F3: variants seen among roughly 807,000 people sequenced by gnomAD.
The protein encoded by F3 is coagulation factor III, tissue factor, also known as tissue factor.
In F3, 18 loss-of-function variants were observed where a neutral mutation model predicts 33.5. That is an observed-to-expected ratio of 0.54 (90% CI 0.37 to 0.80). The LOEUF (loss-of-function observed/expected upper bound fraction) is 0.80, where lower values mean the gene tolerates loss of function less well. Among genes scored for constraint, F3 ranks in the 30% least tolerant of loss-of-function variants. F3 has a pLI of 0.00. For missense variants in F3, 353 were observed against 362.1 expected (o/e 0.97, Z 0.20); for synonymous variants, 147 against 140.7 (o/e 1.05, Z -0.32).
In F3 at chr1:94,533,241, C is replaced by T. The variant is rs776222303; in HGVS notation, c.440G>A (p.Ser147Asn). 1 of 1,612,984 alleles carries T rather than the reference C, an allele frequency of 6.2e-7. No individual in the cohort carries two copies. Among genetic ancestry groups the T allele is most frequent in the Non-Finnish European group, 8.5e-7 (1 of 1,179,798 alleles). Reference sequence around the variant, plus strand: ...CACTTTTGTTCCCACCTGTTCAAAACTCTGAATTGTTGGCTGTCCGAGGTT... The same window carrying T: ...CACTTTTGTTCCCACCTGTTCAAAATTCTGAATTGTTGGCTGTCCGAGGTT... ...ETNLGQPTIQ[S>N]FEQVGTKVNV... The change falls in exon 4 of 6, where the codon AGT becomes AAT. Residue 147 changes from serine to asparagine, a missense_variant. Transcript: ENST00000334047.
In F3 at chr1:94,530,428, T is replaced by C. The variant is rs781712216; in HGVS notation, c.*32A>G. 5 of 1,613,292 alleles carry C rather than the reference T, an allele frequency of 3.1e-6. No homozygotes were observed. Among genetic ancestry groups the C allele is most frequent in the African/African-American group, 1.3e-5 (1 of 74,914 alleles). ...AAAAGTTCTCGGTCACAGTGCAATA[T>C]AGCATTTGCAGTAGCTCCAACAGTG... is the stretch of plus-strand genomic sequence containing the variant. On this transcript the variant is annotated 3_prime_UTR_variant, in exon 6 of 6. Coordinates refer to ENST00000334047, the MANE Select transcript of F3 (RefSeq NM_001993.5).
Position 94,535,985 on chromosome 1 carries a change from T to C in F3, c.392A>G (p.Glu131Gly), listed in dbSNP as rs1340379553. Reference protein sequence around the residue: ...AGEPLYENSPEFTPYLETNLG... With the variant: ...AGEPLYENSPGFTPYLETNLG... ...CTTACTCTCCAGGTAAGGTGTGAAC[T>C]CTGGGGAGTTCTCATACAGAGGCTC... is the stretch of plus-strand genomic sequence containing the variant. The change falls in exon 3 of 6, where the codon GAG becomes GGG. Residue 131 changes from glutamate (E) to glycine (G), a missense_variant. Physicochemically the swap from Glu to Gly is moderately conservative, Grantham distance 98 (BLOSUM62 -2). Coordinates refer to ENST00000334047, the MANE Select transcript of F3 (RefSeq NM_001993.5). The C allele has an allele frequency of 6.2e-7, 1 of 1,614,188 alleles. No homozygotes were observed.
intron 3 of F3, among the ~76,000 whole-genome samples, chr1:94,533,486 AT>A (rs1651497114): frequency 6.6e-6 from 1 of 152,224 alleles, no homozygotes; most frequent in African/African-American, 2.4e-5. Context: ...CTCAGATGTC[AT>A]TTTAAGTTTT....
chr1:94,533,750 G>T (rs1366722316), intron 3 of F3, among the ~76,000 whole-genome samples: 1 of 151,984 alleles, frequency 6.6e-6, no homozygotes, highest in African/African-American at 2.4e-5. Flanking sequence ...AAGATGACGA[G>T]GATGAACACC....
In F3 at chr1:94,540,280, A is replaced by T; in HGVS notation, c.189T>A (p.Asn63Lys). ...TILEWEPKPVNQVYTVQISTK... is the reference protein window; with the variant it reads ...TILEWEPKPVKQVYTVQISTK... ...ACCTTATTTGAACAGTGTAGACTTG[A>T]TTGACGGGTTTGGGTTCCCACTCCA... Residue 63 changes from asparagine (N) to lysine (K), a missense_variant, in exon 2 of 6, where the codon AAT (asparagine) becomes AAA (lysine). Transcript: ENST00000334047. 1 of 1,613,192 alleles carries T rather than the reference A, an allele frequency of 6.2e-7. No individual in the cohort carries two copies. The highest frequency in any genetic ancestry group is 1.3e-5 in the African/African-American group (1 of 75,014).
Position 94,541,734 on chromosome 1 carries a change from AG to A in F3, c.-99del. ...CCCTGGGCCGGCCAGAGGGAGTGCG[AG>A]GGGGTGCGGGGAGCTCGCAGTCTTG... is the stretch of plus-strand genomic sequence containing the variant. On this transcript the variant is annotated 5_prime_UTR_variant, in exon 1 of 6. Transcript: ENST00000334047. 1.5e-6 allele frequency: 1 copy of A among 683,112 alleles called. No individual in the cohort carries two copies. 42.3% of individuals were successfully genotyped at this position (683,112 alleles called of 1,614,324 possible). A position where few individuals can be genotyped will look rare whatever the true frequency, so the allele number is the denominator to read the frequency against.
At chr1:94,540,093 G>T (rs145157385) in intron 2 of F3, among the ~76,000 whole-genome samples, 164 bp downstream of exon 2, 152 of 152,266 alleles carry the variant, frequency 1.0e-3, no homozygotes, top group Non-Finnish European at 1.8e-3. Flanking sequence ...AATGTTGCAG[G>T]CCTAATAGAG....
intron 3 of F3, among the ~76,000 whole-genome samples, chr1:94,533,949 C>T (rs920716965): frequency 1.3e-5 from 2 of 152,014 alleles, no homozygotes; most frequent in African/African-American, 4.8e-5. Flanking sequence ...TCACTGCAAC[C>T]TCCTCCACCT....
chr1:94,536,759 T>C (rs61773972), intron 2 of F3, among the ~76,000 whole-genome samples: 28 of 152,218 alleles, frequency 1.8e-4, no homozygotes, highest in Non-Finnish European at 3.5e-4. Flanking sequence ...TTATATAATG[T>C]TCTATATTCT....
chr1:94,539,226 C>T (rs912713963), intron 2 of F3, among the ~76,000 whole-genome samples: 1 of 151,948 alleles, frequency 6.6e-6, no homozygotes, highest in African/African-American at 2.4e-5. Context: ...TATGAAATTC[C>T]TTCATCTTTC....
intron 5 of F3, 76 bp from the exon 6 acceptor site, chr1:94,530,672 C>T: frequency 2.6e-6 from 4 of 1,550,046 alleles, no homozygotes; most frequent in Non-Finnish European, 3.5e-6. Flanking sequence ...GACGGCATAA[C>T]CCCAAATTAC....
intron 2 of F3, among the ~76,000 whole-genome samples, chr1:94,536,771 T>C (rs577190409): frequency 5.9e-5 from 9 of 152,328 alleles, no homozygotes; most frequent in Admixed American, 1.3e-4. Flanking sequence ...CTATATTCTA[T>C]GTAGAATAGA....
rs2101086778 is a variant in F3, at chr1:94,529,703, C to T, written c.*757G>A. ...AAGAACCTAAACACTATATTATAGACATATGTTAGAAAAGTCCTAGAAATG... is the reference window on the plus strand; with the variant it reads ...AAGAACCTAAACACTATATTATAGATATATGTTAGAAAAGTCCTAGAAATG... On this transcript the variant is annotated 3_prime_UTR_variant, in exon 6 of 6. Coordinates refer to ENST00000334047, the MANE Select transcript of F3 (RefSeq NM_001993.5). 6.6e-6 allele frequency: 1 copy of T among 152,248 alleles called. No homozygotes were observed. The highest frequency in any genetic ancestry group is 2.4e-5 in the African/African-American group (1 of 41,470). The allele number at this position is 152,248 out of a possible 1,614,324, so 9.4% of individuals were successfully genotyped here.
At chr1:94,537,233 T>C (rs1366667388) in intron 2 of F3, among the ~76,000 whole-genome samples, 1 of 152,206 alleles carries the variant, frequency 6.6e-6, no homozygotes, top group Non-Finnish European at 1.5e-5. Flanking sequence ...GAAATTCTTC[T>C]AAATGACCAA....
In F3 at chr1:94,533,234, T is replaced by A. The variant is rs377533334; in HGVS notation, c.447A>T (p.Glu149Asp). ...TCACATTCACTTTTGTTCCCACCTGTTCAAAACTCTGAATTGTTGGCTGTC... is the reference window on the plus strand; with the variant it reads ...TCACATTCACTTTTGTTCCCACCTGATCAAAACTCTGAATTGTTGGCTGTC... ...NLGQPTIQSF[E>D]QVGTKVNVTV... The change falls in exon 4 of 6, where the codon GAA becomes GAT. Residue 149 changes from glutamate (E) to aspartate (D), a missense_variant. Physicochemically the swap from Glu to Asp is conservative, Grantham distance 45 (BLOSUM62 2). Coordinates refer to ENST00000334047, the MANE Select transcript of F3 (RefSeq NM_001993.5). 3.1e-6 allele frequency: 5 copies of A among 1,613,022 alleles called. No homozygotes were observed. Among genetic ancestry groups the A allele is most frequent in the Non-Finnish European group, 4.2e-6 (5 of 1,179,836 alleles).
chr1:94,540,429 T>C, intron 1 of F3, 61 bp from the exon 2 acceptor site: 1 of 1,093,418 alleles, frequency 9.1e-7, no homozygotes, highest in African/African-American at 1.6e-5. Flanking sequence ...AATGTATTGA[T>C]GTATAAAACA....
Position 94,530,315 on chromosome 1 carries a change from A to G in F3, c.*145T>C. On this transcript the variant is annotated 3_prime_UTR_variant, in exon 6 of 6. Transcript: ENST00000334047. ...ATGTCAAAACCAGAATGCTAATGGT[A>G]ATAACAGGTCATATCAAGAGTTTTT... 1 of 926,974 alleles carries G rather than the reference A, an allele frequency of 1.1e-6. No individual in the cohort carries two copies. The highest frequency in any genetic ancestry group is 1.6e-6 in the Non-Finnish European group (1 of 617,070). 57.4% of individuals were successfully genotyped at this position (926,974 alleles called of 1,614,324 possible). A position where few individuals can be genotyped will look rare whatever the true frequency, so the allele number is the denominator to read the frequency against.
intron 2 of F3, 146 bp downstream of exon 2, chr1:94,540,111 C>T (rs1019722845): frequency 3.4e-5 from 22 of 653,154 alleles, no homozygotes; most frequent in Middle Eastern, 2.5e-4. Context: ...GAGTATGACA[C>T]CGGCCAGCGA....
At chr1:94,534,691 G>A (rs1651546353) in intron 3 of F3, among the ~76,000 whole-genome samples, 1 of 152,104 alleles carries the variant, frequency 6.6e-6, no homozygotes, top group Non-Finnish European at 1.5e-5. Flanking sequence ...CGGGGTCTCT[G>A]CAATGGCTCA....
Sources: gnomAD v4.1 joint callset for allele counts (sites outside exome capture counted in the v4.1 genomes callset) on GRCh38, gnomAD v4.1.1 for gene constraint, MANE v1.5 for transcripts, NCBI Gene and HGNC (gene_info 2026-07-23, HGNC 2026-07-21) for gene names.